Variants in ZNF93 observed in about 807,000 individuals in gnomAD.
The protein encoded by ZNF93 is zinc finger protein 505.
ZNF93 carries 29 observed loss-of-function variants against 45.0 expected under a neutral mutation model. The ratio of observed to expected loss-of-function variants is 0.64; its 90% CI spans 0.48 to 0.88. ZNF93 has a LOEUF of 0.88. Among genes scored for constraint, ZNF93 ranks in the 40% least tolerant of loss-of-function variants. ZNF93 has a pLI of 0.00. For missense variants in ZNF93, 578 were observed against 724.0 expected (o/e 0.80, Z 2.31); for synonymous variants, 223 against 244.6 (o/e 0.91, Z 0.82).
chr19:19,915,221 G>GT, intron 1 of ZNF93, 59 bp from the exon 2 acceptor site: 1 of 1,610,676 alleles, frequency 6.2e-7, no homozygotes, highest in Admixed American at 1.7e-5. Flanking sequence ...TTCACCTTAA[G>GT]TAAAATTAAA....
rs1429721663 is a variant in ZNF93, at chr19:19,907,058, G to GT, written c.3+5973dup. Among the ~76,000 whole-genome samples the GT allele has an allele frequency of 2.1e-4, 31 of 151,146 alleles. No individual in the cohort carries two copies. The South Asian group carries it at 3.6e-3, about 17-fold the overall frequency. On this transcript the variant is annotated intron_variant, in intron 1 of 3. Coordinates refer to ENST00000343769, the MANE Select transcript of ZNF93 (RefSeq NM_031218.4). ...TTAGGGATTTAGATTATATATAGAT[G>GT]TTTTTTCTGCTTTTTAAAACATATA...
intron 3 of ZNF93, among the ~76,000 whole-genome samples, chr19:19,925,257 C>T (rs879266930): frequency 2.0e-5 from 3 of 152,162 alleles, no homozygotes; most frequent in Non-Finnish European, 4.4e-5. Context: ...ACAACTCCCT[C>T]CCCGGATCTC....
chr19:19,917,832 A>C (rs1398240724), intron 3 of ZNF93, among the ~76,000 whole-genome samples: 3 of 152,032 alleles, frequency 2.0e-5, no homozygotes, highest in Admixed American at 2.0e-4. Context: ...TTTTTAATAT[A>C]CTGTTTATGG....
chr19:19,906,317 C>T (rs1048788547), intron 1 of ZNF93, among the ~76,000 whole-genome samples: 25 of 152,060 alleles, frequency 1.6e-4, no homozygotes, highest in African/African-American at 4.1e-4. Flanking sequence ...GCTTGTTAGT[C>T]ACATGTATGC....
At chr19:19,914,854 T>G (rs897400489) in intron 1 of ZNF93, 3 of 349,612 alleles carry the variant, frequency 8.6e-6, no homozygotes, top group African/African-American at 6.9e-5. Context: ...AAAATCAGAC[T>G]TCATTCCAGA....
chr19:19,906,098 A>G (rs1431526691), intron 1 of ZNF93, among the ~76,000 whole-genome samples: 1 of 152,176 alleles, frequency 6.6e-6, no homozygotes, highest in Non-Finnish European at 1.5e-5. Flanking sequence ...TCTGTGAGGA[A>G]TCGCCACACT....
intron 3 of ZNF93, among the ~76,000 whole-genome samples, chr19:19,918,454 T>A (rs1005061078): frequency 3.3e-5 from 5 of 152,208 alleles, no homozygotes; most frequent in Admixed American, 3.3e-4. Flanking sequence ...TATAATCCTT[T>A]GGGTATATAC....
chr19:19,913,449 C>A (rs986187434), intron 1 of ZNF93, among the ~76,000 whole-genome samples: 7 of 152,020 alleles, frequency 4.6e-5, no homozygotes, highest in Non-Finnish European at 1.0e-4. Context: ...AAAATATATT[C>A]ATGAGAGTTA....
chr19:19,923,372 C>G lies in ZNF93; in HGVS notation c.226+6717C>G, dbSNP rs112981171. Among the ~76,000 whole-genome samples the G allele has an allele frequency of 3.5e-3, 526 of 152,292 alleles. 6 individuals are homozygous for G. Among genetic ancestry groups the G allele is most frequent in the African/African-American group, 0.012 (502 of 41,560 alleles). ...TACTTGGGGGTGCCTTCCAGTTAGGCTACTCAGGGGTCAGGGACCCACTTG... is the reference window on the plus strand; with the variant it reads ...TACTTGGGGGTGCCTTCCAGTTAGGGTACTCAGGGGTCAGGGACCCACTTG... On this transcript the variant is annotated intron_variant, in intron 3 of 3. Transcript: ENST00000343769.
chr19:19,905,143 G>A (rs905763220), intron 1 of ZNF93, among the ~76,000 whole-genome samples: 1 of 151,456 alleles, frequency 6.6e-6, no homozygotes, highest in African/African-American at 2.4e-5. Flanking sequence ...CCCCACTTGG[G>A]CCACTATCTG....
At position 19,915,414 on chromosome 19, in the gene ZNF93, T is replaced by C; in HGVS notation, c.130+8T>C. 1 of 1,611,884 alleles carries C rather than the reference T, an allele frequency of 6.2e-7. No homozygotes were observed. ...GTAACCTGGTCTTCCTTGGTGAGGA[T>C]AACTTTAATACATAATTCATAATAC... On this transcript the variant is annotated splice_region_variant and intron_variant, in intron 2 of 3. Transcript: ENST00000343769.
At chr19:19,931,266 T>C (rs2122196476) in intron 3 of ZNF93, among the ~76,000 whole-genome samples, 1 of 151,942 alleles carries the variant, frequency 6.6e-6, no homozygotes, top group East Asian at 1.9e-4. Context: ...CTCAGCTCAC[T>C]GCAACCTTCA....
chr19:19,927,895 A>G (rs1368071546), intron 3 of ZNF93, among the ~76,000 whole-genome samples: 2 of 152,106 alleles, frequency 1.3e-5, no homozygotes, highest in Admixed American at 6.5e-5. Context: ...TTACATGTGC[A>G]TGCCACATCG....
In ZNF93 at chr19:19,934,691, C is replaced by T. The variant is rs781664815; in HGVS notation, c.1736C>T (p.Thr579Ile). ...GGCAAAGCTTTTAACCATTCTGCAACCCTTTCTTCACATAAGAAAATCCAT... is the reference window on the plus strand; with the variant it reads ...GGCAAAGCTTTTAACCATTCTGCAATCCTTTCTTCACATAAGAAAATCCAT... ...ECGKAFNHSA[T>I]LSSHKKIHSG... The change falls in exon 4 of 4, where the codon ACC (threonine) becomes ATC (isoleucine). Residue 579 changes from threonine (T) to isoleucine (I), a missense_variant. Thr to Ile is a moderately conservative substitution (Grantham distance 89). Transcript: ENST00000343769. The T allele has an allele frequency of 6.2e-7, 1 of 1,613,562 alleles. No individual in the cohort carries two copies.
intron 3 of ZNF93, among the ~76,000 whole-genome samples, chr19:19,923,738 G>A (rs576539175): frequency 5.9e-5 from 9 of 152,192 alleles, no homozygotes; most frequent in Non-Finnish European, 1.3e-4. Context: ...ATAATCTCCT[G>A]GTTTGCCATT....
At chr19:19,929,721 G>A (rs1009976753) in intron 3 of ZNF93, among the ~76,000 whole-genome samples, 4 of 151,608 alleles carry the variant, frequency 2.6e-5, no homozygotes, top group Admixed American at 1.3e-4. Context: ...GGCGGATCAC[G>A]AGGTCAGGAG....
At chr19:19,930,104 C>T (rs2063368946) in intron 3 of ZNF93, among the ~76,000 whole-genome samples, 1 of 151,802 alleles carries the variant, frequency 6.6e-6, no homozygotes, top group South Asian at 2.1e-4. Flanking sequence ...GCAAAAGGGG[C>T]AGGGTAAAGA....
At chr19:19,922,997 G>T (rs926544978) in intron 3 of ZNF93, among the ~76,000 whole-genome samples, 2 of 152,182 alleles carry the variant, frequency 1.3e-5, no homozygotes, top group Non-Finnish European at 2.9e-5. Flanking sequence ...TTCCTTTGGA[G>T]GGGGAGAGGC....
intron 3 of ZNF93, among the ~76,000 whole-genome samples, chr19:19,930,847 A>G (rs941800998): frequency 1.3e-5 from 2 of 152,152 alleles, no homozygotes; most frequent in Admixed American, 6.5e-5. Context: ...ATATTTTATT[A>G]TGCTGGAACA....
Sources: allele counts gnomAD v4.1 joint callset (sites outside exome capture counted in the v4.1 genomes callset), GRCh38; gene constraint gnomAD v4.1.1; transcripts MANE v1.5; gene names NCBI Gene and HGNC (gene_info 2026-07-23, HGNC 2026-07-21).